Variants in PAK2 observed in about 807,000 individuals in gnomAD.
The protein encoded by PAK2 is p21 (RAC1) activated kinase 2, also known as serine/threonine-protein kinase PAK 2.
PAK2 carries 21 observed loss-of-function variants against 65.9 expected under a neutral mutation model. The observed-to-expected ratio is 0.32, with a 90% confidence interval of 0.23 to 0.46. The LOEUF is 0.46. PAK2 is among the 20% of genes least tolerant of loss of function. The pLI is 1.00. For synonymous variants in PAK2, 204 were observed against 219.7 expected (o/e 0.93, Z 0.63); for missense variants, 324 against 642.6 (o/e 0.50, Z 5.36).
intron 2 of PAK2, among the ~76,000 whole-genome samples, chr3:196,788,909 C>T (rs1319100712): frequency 6.6e-6 from 1 of 152,118 alleles, no homozygotes; most frequent in Non-Finnish European, 1.5e-5. Flanking sequence ...GCACTACAGA[C>T]AGCAGAAGAG....
Position 196,831,863 on chromosome 3 carries a change from T to A in PAK2, c.*3458T>A. The A allele has an allele frequency of 6.6e-6, 1 of 152,176 alleles. No homozygotes were observed. The allele number at this position is 152,176 out of a possible 1,614,324, so 9.4% of individuals were successfully genotyped here. A position where few individuals can be genotyped will look rare whatever the true frequency, so the allele number is the denominator to read the frequency against. On this transcript the variant is annotated 3_prime_UTR_variant, in exon 15 of 15. Transcript: ENST00000327134. The stretch of plus-strand genomic sequence containing the variant: ...ATCCAGATTAATACTCATTTGGGGT[T>A]TTTTATAGTGGAACTTCATAGTAAT...
intron 1 of PAK2, 68 bp from the exon 2 acceptor site, chr3:196,782,558 T>A: frequency 1.4e-6 from 1 of 702,912 alleles, no homozygotes; most frequent in Non-Finnish European, 2.4e-6. Context: ...CAGGGGTAGT[T>A]ATTACTGTTT....
intron 1 of PAK2, among the ~76,000 whole-genome samples, chr3:196,780,147 T>A (rs1714660331): frequency 6.6e-6 from 1 of 152,262 alleles, no homozygotes; most frequent in Admixed American, 6.5e-5. Context: ...TAGGGCATGT[T>A]GTCAGCACTG....
At chr3:196,824,973 G>A (rs1711785351) in intron 13 of PAK2, among the ~76,000 whole-genome samples, 1 of 152,150 alleles carries the variant, frequency 6.6e-6, no homozygotes, top group South Asian at 2.1e-4. Flanking sequence ...CCACATTGGG[G>A]AGGTTGCGTG....
chr3:196,744,115 G>T (rs1713294311), intron 1 of PAK2, among the ~76,000 whole-genome samples: 1 of 152,116 alleles, frequency 6.6e-6, no homozygotes. Flanking sequence ...GTGGCTGGTG[G>T]TGCCTGTAGT....
chr3:196,811,500 G>C (rs1715823650), intron 8 of PAK2, among the ~76,000 whole-genome samples: 2 of 138,986 alleles, frequency 1.4e-5, no homozygotes, highest in Admixed American at 7.9e-5. Flanking sequence ...TTCTGCCTCA[G>C]CCTCCCAAAG....
intron 2 of PAK2, among the ~76,000 whole-genome samples, chr3:196,793,105 T>C (rs1715129096): frequency 6.6e-6 from 1 of 152,052 alleles, no homozygotes. Flanking sequence ...AAAATCAACA[T>C]CGAAAGTGTC....
intron 5 of PAK2, among the ~76,000 whole-genome samples, chr3:196,806,184 T>C (rs1715579589): frequency 1.3e-5 from 2 of 152,224 alleles, no homozygotes; most frequent in South Asian, 4.2e-4. Flanking sequence ...GTGCTGGGAT[T>C]ACAGACGTGA....
intron 3 of PAK2, 100 bp downstream of exon 3, chr3:196,802,127 G>A (rs1715439108): frequency 1.2e-5 from 9 of 734,844 alleles, no homozygotes; most frequent in South Asian, 7.8e-5. Flanking sequence ...GGCCAGGTGC[G>A]GTGGCACACG....
chr3:196,832,601 C>T lies in PAK2; in HGVS notation c.*4196C>T, dbSNP rs1712127603. 1 of 151,926 alleles carries T rather than the reference C, an allele frequency of 6.6e-6. No individual in the cohort carries two copies. The highest frequency in any genetic ancestry group is 2.4e-5 in the African/African-American group (1 of 41,390). 9.4% of individuals were successfully genotyped at this position (151,926 alleles called of 1,614,324 possible). A position where few individuals can be genotyped will look rare whatever the true frequency, so the allele number is the denominator to read the frequency against. Reference sequence around the variant, plus strand: ...ATATTTAAATGTCTTAATAGGTTTTCAAAGAACATTTAGTATTTTTAGTGA... The same window carrying T: ...ATATTTAAATGTCTTAATAGGTTTTTAAAGAACATTTAGTATTTTTAGTGA... On this transcript the variant is annotated 3_prime_UTR_variant, in exon 15 of 15. Transcript: ENST00000327134.
chr3:196,798,564 G>C (rs1484035122), intron 2 of PAK2, among the ~76,000 whole-genome samples: 1 of 151,974 alleles, frequency 6.6e-6, no homozygotes, highest in Non-Finnish European at 1.5e-5. Flanking sequence ...AGCTGGTCTT[G>C]AACTCCTTAG....
chr3:196,767,581 C>T (rs557714743), intron 1 of PAK2, among the ~76,000 whole-genome samples: 5 of 150,806 alleles, frequency 3.3e-5, no homozygotes, highest in East Asian at 1.9e-4. Context: ...CTCCGCCTCC[C>T]GGGTTCACGC....
chr3:196,761,134 C>G (rs1230553907), intron 1 of PAK2, among the ~76,000 whole-genome samples: 1 of 137,596 alleles, frequency 7.3e-6, no homozygotes, highest in Non-Finnish European at 1.5e-5. Flanking sequence ...AAGGCTGAGG[C>G]AGGAGAACCG....
chr3:196,825,123 ATCGCTTGAGGTTAGG>A (rs1473355998), intron 13 of PAK2, among the ~76,000 whole-genome samples: 28 of 152,236 alleles, frequency 1.8e-4, no homozygotes, highest in Admixed American at 1.8e-3. Context: ...AGGTGGGCAG[ATCGCTTGAGGTTAGG>A]AGTTTGAGAC....
intron 1 of PAK2, among the ~76,000 whole-genome samples, chr3:196,757,132 G>C (rs888923594): frequency 6.6e-6 from 1 of 152,202 alleles, no homozygotes; most frequent in Admixed American, 6.5e-5. Context: ...AGAGTGGCAG[G>C]CTGAGTAGTT....
chr3:196,751,741 C>CTT (rs200558658), intron 1 of PAK2, among the ~76,000 whole-genome samples: 900 of 79,268 alleles, frequency 0.011, 41 homozygotes, highest in African/African-American at 0.053. Context: ...AAATGAATTT[C>CTT]TTTTTTTTTT....
At chr3:196,813,644 A>G in intron 10 of PAK2, among the ~76,000 whole-genome samples, 1 of 152,086 alleles carries the variant, frequency 6.6e-6, no homozygotes, top group East Asian at 1.9e-4. Flanking sequence ...GTTATGGAGA[A>G]CATGTTCATA....
At chr3:196,758,659 G>GTTTAT (rs945415736) in intron 1 of PAK2, among the ~76,000 whole-genome samples, 1 of 151,886 alleles carries the variant, frequency 6.6e-6, no homozygotes, top group African/African-American at 2.4e-5. Flanking sequence ...TTTTATTTTA[G>GTTTAT]TTTATTTTAT....
chr3:196,782,797 C>A lies in PAK2; in HGVS notation c.151C>A (p.His51Asn), dbSNP rs760501396. The A allele has an allele frequency of 9.9e-6, 16 of 1,613,018 alleles. No homozygotes were observed. The highest frequency in any genetic ancestry group is 1.4e-5 in the Non-Finnish European group (16 of 1,179,438). ...TGTTCCAGAAGAGAAAAAGCCCAGG[C>A]ATAAAATCATCTCCATATTCTCAGG... ...PSVPEEKKPR[H>N]KIISIFSGTE... The change falls in exon 2 of 15, where the codon CAT (histidine) becomes AAT (asparagine). Residue 51 changes from histidine (H) to asparagine (N), a missense_variant. This residue lies in a region of PAK2 where 42 missense variants were observed against 67.4 expected (regional missense o/e 0.62). Coordinates refer to ENST00000327134, the MANE Select transcript of PAK2 (RefSeq NM_002577.4).
Sources: gnomAD v4.1 joint callset for allele counts (sites outside exome capture counted in the v4.1 genomes callset) on GRCh38, gnomAD v4.1.1 for gene constraint, gnomAD v4.1.1 regional missense constraint, MANE v1.5 for transcripts, NCBI Gene and HGNC (gene_info 2026-07-23, HGNC 2026-07-21) for gene names.